The following LRBA variants were observed in gnomAD, a reference collection of about 807,000 sequenced individuals.
LRBA encodes lipopolysaccharide-responsive and beige-like anchor protein.
Under a neutral mutation model 330.0 loss-of-function variants are expected in LRBA, and 176 were observed. The observed-to-expected ratio is 0.53, with a 90% CI of 0.47 to 0.60. LRBA has a LOEUF of 0.60. Among genes scored for constraint, LRBA ranks in the 20% least tolerant of loss-of-function variants. The pLI is 0.00. For missense variants in LRBA, 3,259 were observed against 3,444.8 expected (o/e 0.95, Z 1.35); for synonymous variants, 1,230 against 1,193.0 (o/e 1.03, Z -0.64).
At chr4:150,963,950 G>A (rs929173818) in intron 2 of LRBA, among the ~76,000 whole-genome samples, 2 of 146,876 alleles carry the variant, frequency 1.4e-5, no homozygotes, top group South Asian at 2.1e-4. Context: ...CTGCCCTGCC[G>A]CGACCCCGTC....
At position 150,305,340 on chromosome 4, in the gene LRBA, T is replaced by C. The variant is rs141044417; in HGVS notation, c.7850-2548A>G. ...CACTGCTCTGTTTCTCCAATGTCAG[T>C]GTAAGGAAACATACATTCAGTCATG... On this transcript the variant is annotated intron_variant, in intron 52 of 56. Coordinates refer to ENST00000651943, the MANE Select transcript of LRBA (RefSeq NM_001364905.1). 4.4e-3 allele frequency among the ~76,000 whole-genome samples: 672 copies of C among 152,360 alleles called. 4 individuals carry two copies. Among genetic ancestry groups the C allele is most frequent in the Non-Finnish European group, 7.6e-3 (519 of 68,032 alleles).
At chr4:150,965,291 C>T (rs1037858112) in intron 2 of LRBA, among the ~76,000 whole-genome samples, 1 of 152,098 alleles carries the variant, frequency 6.6e-6, no homozygotes, top group Non-Finnish European at 1.5e-5. Flanking sequence ...TTATATAGCT[C>T]TTTTAAAAAT....
intron 53 of LRBA, among the ~76,000 whole-genome samples, chr4:150,292,245 T>A (rs977063130): frequency 6.6e-6 from 1 of 152,210 alleles, no homozygotes; most frequent in South Asian, 2.1e-4. Flanking sequence ...ATAAGGCCTA[T>A]ATCCATTTAG....
intron 34 of LRBA, 139 bp from the exon 35 acceptor site, chr4:150,761,986 T>C (rs987723049): frequency 3.4e-6 from 2 of 582,526 alleles, no homozygotes; most frequent in African/African-American, 1.9e-5. Context: ...TATGAACAGG[T>C]AATACTGAAA....
intron 36 of LRBA, chr4:150,721,385 C>T (rs1582144995): frequency 3.4e-6 from 1 of 294,756 alleles, no homozygotes; most frequent in East Asian, 9.8e-5. Flanking sequence ...TGTCCAATCA[C>T]CCTCAGGGAA....
intron 29 of LRBA, among the ~76,000 whole-genome samples, chr4:150,829,600 A>G (rs78902962): frequency 2.0e-5 from 3 of 152,218 alleles, no homozygotes; most frequent in South Asian, 4.1e-4. Flanking sequence ...TCCTTGTACT[A>G]CTTCACTGAC....
At chr4:150,543,007 C>T (rs1765478111) in intron 40 of LRBA, among the ~76,000 whole-genome samples, 1 of 152,040 alleles carries the variant, frequency 6.6e-6, no homozygotes, top group Admixed American at 6.6e-5. Flanking sequence ...TTACCAAAAA[C>T]ATAAGTGTCC....
chr4:150,597,406 T>C (rs150181192), intron 38 of LRBA, among the ~76,000 whole-genome samples: 1 of 151,958 alleles, frequency 6.6e-6, no homozygotes, highest in Non-Finnish European at 1.5e-5. Context: ...CTATATTAAA[T>C]CTATACCACA....
chr4:150,272,354 C>T (rs1746220121), intron 56 of LRBA, among the ~76,000 whole-genome samples: 1 of 151,992 alleles, frequency 6.6e-6, no homozygotes. Flanking sequence ...ATAGATAAAT[C>T]CACAAAAATG....
intron 37 of LRBA, among the ~76,000 whole-genome samples, chr4:150,653,174 C>T (rs139013493): frequency 2.7e-4 from 41 of 152,142 alleles, no homozygotes; most frequent in African/African-American, 9.6e-4. Context: ...GAGAACCTGT[C>T]TCTACAAAAA....
At chr4:150,404,703 C>G (rs72734443) in intron 47 of LRBA, among the ~76,000 whole-genome samples, 2,344 of 152,120 alleles carry the variant, frequency 0.015, 28 homozygotes, top group Non-Finnish European at 0.023. Context: ...ATGAGATACC[C>G]ACGGGGAAGA....
At chr4:150,577,595 C>T (rs989978683) in intron 40 of LRBA, among the ~76,000 whole-genome samples, 4 of 151,912 alleles carry the variant, frequency 2.6e-5, no homozygotes, top group Admixed American at 2.6e-4. Context: ...GCTTTCTTTT[C>T]TTAAGTCAAT....
In LRBA at chr4:150,900,046, T is replaced by C. The variant is rs746684369; in HGVS notation, c.1924+3A>G. 8.7e-6 allele frequency: 14 copies of C among 1,601,258 alleles called. No homozygotes were observed. The South Asian group carries it at 1.1e-4, about 13-fold the overall frequency. On this transcript the variant is annotated splice_donor_region_variant and intron_variant, in intron 14 of 56. Coordinates refer to ENST00000651943, the MANE Select transcript of LRBA (RefSeq NM_001364905.1). ...AAGTAATATACAGACAGAAATTATATACCTAATCCTTTTGGGGTGATACCA... is the reference window on the plus strand; with the variant it reads ...AAGTAATATACAGACAGAAATTATACACCTAATCCTTTTGGGGTGATACCA...
At chr4:150,558,538 G>T (rs1009827406) in intron 40 of LRBA, among the ~76,000 whole-genome samples, 1 of 151,924 alleles carries the variant, frequency 6.6e-6, no homozygotes, top group Non-Finnish European at 1.5e-5. Context: ...GTATGTTCTG[G>T]CACTATAATA....
At chr4:150,770,839 T>G (rs1322484873) in intron 34 of LRBA, among the ~76,000 whole-genome samples, 1 of 152,202 alleles carries the variant, frequency 6.6e-6, no homozygotes, top group Non-Finnish European at 1.5e-5. Flanking sequence ...CTACCTGGAT[T>G]GTATTACCAG....
intron 2 of LRBA, among the ~76,000 whole-genome samples, chr4:150,967,846 G>A (rs747334526): frequency 2.0e-5 from 3 of 152,066 alleles, no homozygotes; most frequent in Non-Finnish European, 4.4e-5. Context: ...CTTAATAAAT[G>A]TGGTATGTGT....
At position 150,396,185 on chromosome 4, in the gene LRBA, A is replaced by G. The variant is rs1744704637; in HGVS notation, c.7194+19253T>C. Among the ~76,000 whole-genome samples, 3 of 152,284 alleles carry G rather than the reference A, an allele frequency of 2.0e-5. No individual in the cohort carries two copies. In the South Asian group the frequency reaches 6.2e-4, roughly 32 times the overall value. ...AACAGAATAAAAAAGCAGAAGGATGAATTCCCTCCACCCACTCCTTGAGTT... is the reference window on the plus strand; with the variant it reads ...AACAGAATAAAAAAGCAGAAGGATGGATTCCCTCCACCCACTCCTTGAGTT... On this transcript the variant is annotated intron_variant, in intron 47 of 56. Coordinates refer to ENST00000651943, the MANE Select transcript of LRBA (RefSeq NM_001364905.1).
intron 14 of LRBA, among the ~76,000 whole-genome samples, chr4:150,899,285 A>T (rs1410459250): frequency 1.3e-5 from 2 of 152,190 alleles, no homozygotes. Flanking sequence ...ACGGATGTGA[A>T]AGGGGACCGG....
At chr4:150,901,428 A>C (rs1730712814) in intron 13 of LRBA, among the ~76,000 whole-genome samples, 1 of 152,170 alleles carries the variant, frequency 6.6e-6, no homozygotes, top group Non-Finnish European at 1.5e-5. Flanking sequence ...TTATTGCTAG[A>C]GGGTATATTT....
Sources: gnomAD v4.1 joint callset for allele counts (sites outside exome capture counted in the v4.1 genomes callset) on GRCh38, gnomAD v4.1.1 for gene constraint, MANE v1.5 for transcripts, NCBI Gene and HGNC (gene_info 2026-07-23, HGNC 2026-07-21) for gene names.